Variants in GLIS3 observed in about 807,000 individuals in gnomAD.
GLIS3 encodes GLIS family zinc finger 3.
A neutral mutation model predicts 78.6 loss-of-function variants in GLIS3; 53 were observed. The ratio of observed to expected loss-of-function variants is 0.67; its 90% confidence interval spans 0.54 to 0.85. The LOEUF is 0.85. GLIS3 is among the 40% of genes least tolerant of loss of function. GLIS3 has a pLI of 0.00. For synonymous variants in GLIS3, 684 were observed against 509.9 expected, an observed-to-expected ratio of 1.34 and a Z score of -4.60; for missense variants, 1,703 against 1,231.1, an observed-to-expected ratio of 1.38 and a Z score of -5.74.
At chr9:3,849,028 A>C (rs1720409575) in intron 9 of GLIS3, among the ~76,000 whole-genome samples, 1 of 152,206 alleles carries the variant, frequency 6.6e-6, no homozygotes, top group Non-Finnish European at 1.5e-5. Flanking sequence ...ACTGATTTCA[A>C]ACAGCCCAGG....
intron 4 of GLIS3, among the ~76,000 whole-genome samples, chr9:4,042,083 T>C (rs1317007381): frequency 6.6e-6 from 1 of 152,190 alleles, no homozygotes; most frequent in Non-Finnish European, 1.5e-5. Flanking sequence ...CTCAATAAGA[T>C]TTCTGAATAG....
intron 4 of GLIS3, among the ~76,000 whole-genome samples, chr9:4,020,919 C>T (rs1189270525): frequency 6.6e-6 from 1 of 152,182 alleles, no homozygotes; most frequent in African/African-American, 2.4e-5. Context: ...CTTCCACCTG[C>T]ACACAGTTCC....
intron 4 of GLIS3, among the ~76,000 whole-genome samples, chr9:4,024,634 T>C (rs1445395203): frequency 6.6e-6 from 1 of 152,156 alleles, no homozygotes; most frequent in Admixed American, 6.6e-5. Context: ...AGGGAGTGCA[T>C]GGGAGGAGGT....
the GLIS3 span, among the ~76,000 whole-genome samples, chr9:4,480,044 G>C: frequency 6.6e-6 from 1 of 151,278 alleles, no homozygotes; most frequent in African/African-American, 2.4e-5. Context: ...TTGTAGGCGT[G>C]AGCCACGGCG....
chr9:3,906,359 G>A (rs1823700106), intron 6 of GLIS3, among the ~76,000 whole-genome samples: 1 of 152,186 alleles, frequency 6.6e-6, no homozygotes, highest in African/African-American at 2.4e-5. Flanking sequence ...ACCAGAGGGG[G>A]TGAGAAGTGG....
chr9:3,973,984 AT>A (rs1818574539), intron 4 of GLIS3, among the ~76,000 whole-genome samples: 1 of 152,212 alleles, frequency 6.6e-6, no homozygotes, highest in Non-Finnish European at 1.5e-5. Flanking sequence ...TTATAAAAAA[AT>A]CAAACATTTA....
At position 4,118,048 on chromosome 9, in the gene GLIS3, G is replaced by A. The variant is rs114838275; in HGVS notation, c.1430C>T (p.Ala477Val). 567 of 1,591,170 alleles carry A rather than the reference G, an allele frequency of 3.6e-4. 3 individuals carry two copies. The African/African-American group carries it at 7.1e-3, about 20-fold the overall frequency. ...GGCCTGGGGCAAGGCCAGCTGCTGG[G>A]CGTGGGGCCCGAGCTCCGGGTGGTG... ...HLHHPELGPHAQQLALPQATL... is the reference protein window; with the variant it reads ...HLHHPELGPHVQQLALPQATL... Residue 477 changes from alanine (A) to valine (V), a missense_variant, in exon 4 of 11, where the codon GCC becomes GTC. Coordinates refer to ENST00000381971, the MANE Select transcript of GLIS3 (RefSeq NM_001042413.2). This position sits in a 1 kb window ranked among gnomAD's most constrained non-coding sequence, Gnocchi z 4.7.
intron 6 of GLIS3, among the ~76,000 whole-genome samples, chr9:3,930,255 A>G (rs935761812): frequency 2.6e-5 from 4 of 152,230 alleles, no homozygotes; most frequent in African/African-American, 9.6e-5. Context: ...ATGAAATCCA[A>G]TTCAACCACT....
At chr9:4,255,156 G>A (rs572934466) in intron 2 of GLIS3, among the ~76,000 whole-genome samples, 2 of 152,200 alleles carry the variant, frequency 1.3e-5, no homozygotes, top group African/African-American at 2.4e-5. Flanking sequence ...TAAAATAATA[G>A]TGAGATACCA....
chr9:4,302,117 T>A (rs1221933181), upstream of GLIS3, among the ~76,000 whole-genome samples: 4 of 152,086 alleles, frequency 2.6e-5, no homozygotes, highest in Non-Finnish European at 5.9e-5. Context: ...GATCTGTACC[T>A]CTTCTGGGCT....
intron 4 of GLIS3, among the ~76,000 whole-genome samples, chr9:3,979,282 G>A (rs777475742): frequency 6.6e-6 from 1 of 152,098 alleles, no homozygotes; most frequent in African/African-American, 2.4e-5. Flanking sequence ...AGAATAACCT[G>A]AACATTCTCT....
At chr9:3,994,945 A>G (rs1043205204) in intron 4 of GLIS3, among the ~76,000 whole-genome samples, 1 of 152,218 alleles carries the variant, frequency 6.6e-6, no homozygotes, top group Admixed American at 6.5e-5. Flanking sequence ...AGGAGCAGAG[A>G]GCAAGAGTTG....
intron 4 of GLIS3, among the ~76,000 whole-genome samples, chr9:3,962,424 C>T (rs1013925331): frequency 6.6e-6 from 1 of 152,022 alleles, no homozygotes; most frequent in African/African-American, 2.4e-5. Context: ...CACACTCATG[C>T]CTCACTAGTT....
At chr9:4,043,080 C>T (rs1366668034) in intron 4 of GLIS3, among the ~76,000 whole-genome samples, 2 of 152,144 alleles carry the variant, frequency 1.3e-5, no homozygotes, top group African/African-American at 4.8e-5. Flanking sequence ...AGCCACAATG[C>T]TCTCAGCTGT....
At chr9:3,888,205 T>G (rs1822205338) in intron 7 of GLIS3, among the ~76,000 whole-genome samples, 1 of 152,140 alleles carries the variant, frequency 6.6e-6, no homozygotes, top group Non-Finnish European at 1.5e-5. Flanking sequence ...TCACCTTTTT[T>G]TGGAAATAAA....
At chr9:4,313,511 G>A (rs1022145187) in intron 2 of GLIS3, among the ~76,000 whole-genome samples, 3 of 152,130 alleles carry the variant, frequency 2.0e-5, no homozygotes, top group Non-Finnish European at 4.4e-5. Flanking sequence ...TGGCTCCATT[G>A]GCCTCCAGTC....
intron 1 of GLIS3, among the ~76,000 whole-genome samples, chr9:4,297,889 C>T (rs4487831): frequency 0.097 from 14,743 of 151,990 alleles, 2,389 homozygotes; most frequent in African/African-American, 0.33. Context: ...TATCGGTTCC[C>T]TATAGGACTG....
intron 4 of GLIS3, among the ~76,000 whole-genome samples, chr9:4,091,389 T>A (rs1829489226): frequency 6.6e-6 from 1 of 151,926 alleles, no homozygotes; most frequent in South Asian, 2.1e-4. Flanking sequence ...GTTAAAAAAA[T>A]AATTAAACGT....
At chr9:3,860,080 C>G (rs1820085381) in intron 8 of GLIS3, among the ~76,000 whole-genome samples, 1 of 151,896 alleles carries the variant, frequency 6.6e-6, no homozygotes, top group African/African-American at 2.4e-5. Context: ...TTGAGACCAT[C>G]CTGGCTAACA....
Sources: gnomAD v4.1 joint callset for allele counts (sites outside exome capture counted in the v4.1 genomes callset) on GRCh38, gnomAD v4.1.1 for gene constraint, Gnocchi (gnomAD v3.1) non-coding constraint, MANE v1.5 for transcripts, NCBI Gene and HGNC (gene_info 2026-07-23, HGNC 2026-07-21) for gene names.